The following CMTM3 variants were observed in gnomAD, a reference collection of about 807,000 sequenced individuals.
The protein encoded by CMTM3 is CKLF-like MARVEL transmembrane domain-containing protein 3.
In CMTM3, 7 loss-of-function variants were observed where a neutral mutation model predicts 18.2. The ratio of observed to expected loss-of-function variants is 0.38; its 90% CI spans 0.22 to 0.72. CMTM3 has a LOEUF of 0.72. Ranked by LOEUF, CMTM3 falls within the 30% of genes least tolerant of loss-of-function variation. The probability of loss-of-function intolerance (pLI) is 0.46; values close to 1 mark genes in which losing one functional copy is unlikely to be tolerated. For missense variants in CMTM3, 227 were observed against 249.2 expected (o/e 0.91, Z 0.60); for synonymous variants, 109 against 111.2 (o/e 0.98, Z 0.12).
In CMTM3 at chr16:66,609,888, T is replaced by C; in HGVS notation, c.405T>C (p.Phe135=). The C allele has an allele frequency of 1.4e-5, 23 of 1,614,198 alleles. No individual in the cohort carries two copies. The highest frequency in any genetic ancestry group is 1.9e-5 in the Non-Finnish European group (23 of 1,180,032). The part of the protein sequence containing the change: ...SDGASKAAGV[F]GFFATIVFAT... ...CCCATCCACCCTGTCCACAGGTGTT[T>C]GGCTTCTTTGCTACCATCGTGTTTG... The change falls in exon 4 of 5, where the codon TTT becomes TTC. Residue 135 remains phenylalanine (F), a synonymous_variant. Transcript: ENST00000567572. The surrounding 1 kb of genome is among the most constrained non-coding windows in gnomAD (Gnocchi z 4.4).
chr16:66,607,252 C>T (rs1008050817), intron 1 of CMTM3, among the ~76,000 whole-genome samples: 1 of 152,232 alleles, frequency 6.6e-6, no homozygotes, highest in Non-Finnish European at 1.5e-5. Context: ...TCAACATCCT[C>T]CTGCATCAGC....
chr16:66,611,270 C>T (rs992768609), intron 4 of CMTM3, among the ~76,000 whole-genome samples: 2 of 151,952 alleles, frequency 1.3e-5, no homozygotes, highest in East Asian at 1.9e-4. Context: ...CTGGCCAACA[C>T]GGTGAAACCC....
Position 66,612,710 on chromosome 16 carries a change from T to G in CMTM3, c.*73T>G, listed in dbSNP as rs531234274. The G allele has an allele frequency of 6.7e-7, 1 of 1,486,662 alleles. No individual in the cohort carries two copies. Among genetic ancestry groups the G allele is most frequent in the Non-Finnish European group, 9.4e-7 (1 of 1,069,212 alleles). The allele number at this position is 1,486,662 out of a possible 1,614,324, so 92.1% of individuals were successfully genotyped here. Reference sequence around the variant, plus strand: ...CTGCGCCTCACAGGGGTCGCTGGCGTTGGAGCGGAGGCCTGGACTTCTGAG... The same window carrying G: ...CTGCGCCTCACAGGGGTCGCTGGCGGTGGAGCGGAGGCCTGGACTTCTGAG... On this transcript the variant is annotated 3_prime_UTR_variant, in exon 5 of 5. Coordinates refer to ENST00000567572, the MANE Select transcript of CMTM3 (RefSeq NM_181553.4). The surrounding 1 kb of genome is among the most constrained non-coding windows in gnomAD (Gnocchi z 6.0).
chr16:66,610,025 C>T lies in CMTM3; in HGVS notation c.520+22C>T. On this transcript the variant is annotated intron_variant, in intron 4 of 4. Transcript: ENST00000567572. The surrounding 1 kb of genome is among the most constrained non-coding windows in gnomAD (Gnocchi z 4.6). ...GAAGGTAAGCGGCTGCCCTGATCAC[C>T]CCAGCAGTGCTGCAACAGGGGCCTG... 1.2e-6 allele frequency: 2 copies of T among 1,612,464 alleles called. No homozygotes were observed. The highest frequency in any genetic ancestry group is 1.1e-5 in the South Asian group (1 of 90,974).
At position 66,609,381 on chromosome 16, in the gene CMTM3, C is replaced by T; in HGVS notation, c.304-54C>T. Reference sequence around the variant, plus strand: ...CACGACCAGGCTGCCAGGCCTCCTCCCCATGCTGTGCTCAGCTCCAGGGGC... The same window carrying T: ...CACGACCAGGCTGCCAGGCCTCCTCTCCATGCTGTGCTCAGCTCCAGGGGC... On this transcript the variant is annotated intron_variant, in intron 2 of 4. Coordinates refer to ENST00000567572, the MANE Select transcript of CMTM3 (RefSeq NM_181553.4). This position sits in a 1 kb window ranked among gnomAD's most constrained non-coding sequence, Gnocchi z 4.4. 6.6e-7 allele frequency: 1 copy of T among 1,513,718 alleles called. No homozygotes were observed. Among genetic ancestry groups the T allele is most frequent in the Non-Finnish European group, 9.1e-7 (1 of 1,101,364 alleles). 93.8% of individuals were successfully genotyped at this position (1,513,718 alleles called of 1,614,324 possible).
intron 4 of CMTM3, chr16:66,611,065 G>A (rs1048627044): frequency 1.0e-5 from 4 of 396,012 alleles, no homozygotes; most frequent in Admixed American, 4.4e-5. Flanking sequence ...AAACTTGGGT[G>A]GTTTTATTTT....
upstream of CMTM3, chr16:66,604,699 G>C (rs2015058017): frequency 2.3e-6 from 2 of 886,490 alleles, no homozygotes; most frequent in Non-Finnish European, 2.9e-6. Flanking sequence ...GCCCCTGCGC[G>C]AGCCAGTGTC....
chr16:66,607,836 T>G (rs165206), intron 1 of CMTM3, among the ~76,000 whole-genome samples: 7,459 of 134,356 alleles, frequency 0.056, 278 homozygotes, highest in East Asian at 0.16. Flanking sequence ...CCATGCTGGG[T>G]TTTTTTTTTT....
At position 66,608,255 on chromosome 16, in the gene CMTM3, C is replaced by T; in HGVS notation, c.148-54C>T. 1 of 1,600,958 alleles carries T rather than the reference C, an allele frequency of 6.2e-7. No homozygotes were observed. Among genetic ancestry groups the T allele is most frequent in the Non-Finnish European group, 8.5e-7 (1 of 1,170,924 alleles). ...CCACAGGGCCTGGCTCAGAGGAGCA[C>T]TGGACAAGGAACATGAAAAGGCTCT... On this transcript the variant is annotated intron_variant, in intron 1 of 4. Transcript: ENST00000567572. This position sits in a 1 kb window ranked among gnomAD's most constrained non-coding sequence, Gnocchi z 5.1.
chr16:66,609,419 G>T lies in CMTM3; in HGVS notation c.304-16G>T. 6.2e-7 allele frequency: 1 copy of T among 1,607,972 alleles called. No individual in the cohort carries two copies. Among genetic ancestry groups the T allele is most frequent in the Non-Finnish European group, 8.5e-7 (1 of 1,176,604 alleles). On this transcript the variant is annotated splice_polypyrimidine_tract_variant and intron_variant, in intron 2 of 4. Coordinates refer to ENST00000567572, the MANE Select transcript of CMTM3 (RefSeq NM_181553.4). The surrounding 1 kb of genome is among the most constrained non-coding windows in gnomAD (Gnocchi z 4.4). ...CAGCTCCAGGGGCTCAGGGCAGCAT[G>T]CCCCTCTCTCCCCAGGACTTCCTGC...
At chr16:66,604,470 T>G, upstream of CMTM3, 2 of 207,344 alleles carry the variant, frequency 9.6e-6, no homozygotes, top group Non-Finnish European at 9.6e-6. Flanking sequence ...CCCTTCTGGA[T>G]AGGGGCAGAC....
chr16:66,608,639 C>A lies in CMTM3; in HGVS notation c.303+175C>A, dbSNP rs74413672. 0.039 allele frequency among the ~76,000 whole-genome samples: 5,952 copies of A among 152,286 alleles called. 367 individuals are homozygous for A. Among genetic ancestry groups the A allele is most frequent in the African/African-American group, 0.13 (5,582 of 41,534 alleles). ...CATCCCAGCTCCACTACTCAGCAGC[C>A]CTGTGACCTCAAGTGGGCTGTGGTG... On this transcript the variant is annotated intron_variant, in intron 2 of 4. Coordinates refer to ENST00000567572, the MANE Select transcript of CMTM3 (RefSeq NM_181553.4). The surrounding 1 kb of genome is among the most constrained non-coding windows in gnomAD (Gnocchi z 5.1).
In CMTM3 at chr16:66,610,946, A is replaced by G. The variant is rs2015354197; in HGVS notation, c.520+943A>G. ...CCCATCCCGTCCCTTGGCAAATATTAGGTTAGAGCTCCCAGGCGGTTTCCT... is the reference window on the plus strand; with the variant it reads ...CCCATCCCGTCCCTTGGCAAATATTGGGTTAGAGCTCCCAGGCGGTTTCCT... On this transcript the variant is annotated intron_variant, in intron 4 of 4. Coordinates refer to ENST00000567572, the MANE Select transcript of CMTM3 (RefSeq NM_181553.4). This position sits in a 1 kb window ranked among gnomAD's most constrained non-coding sequence, Gnocchi z 4.6. 2.5e-6 allele frequency: 1 copy of G among 398,432 alleles called. No homozygotes were observed. Among genetic ancestry groups the G allele is most frequent in the South Asian group, 1.3e-4 (1 of 7,852 alleles). 24.7% of individuals were successfully genotyped at this position (398,432 alleles called of 1,614,324 possible).
rs544559464 is a variant in CMTM3 at position 66,611,434 on chromosome 16, G to A, written c.521-1175G>A. Among the ~76,000 whole-genome samples the A allele has an allele frequency of 2.0e-5, 3 of 152,124 alleles. No homozygotes were observed. In the East Asian group the frequency reaches 5.8e-4, roughly 29 times the overall value. ...ATCGCACTCCAGCCTGGGCGACAGA[G>A]TGAGACTCCATCTCGGGGGGAAAAA... On this transcript the variant is annotated intron_variant, in intron 4 of 4. Coordinates refer to ENST00000567572, the MANE Select transcript of CMTM3 (RefSeq NM_181553.4).
chr16:66,609,469 A>G lies in CMTM3; in HGVS notation c.338A>G (p.Tyr113Cys). The G allele has an allele frequency of 6.2e-7, 1 of 1,612,858 alleles. No individual in the cohort carries two copies. The highest frequency in any genetic ancestry group is 8.5e-7 in the Non-Finnish European group (1 of 1,179,574). The change falls in exon 3 of 5, where the codon TAC (tyrosine) becomes TGC (cysteine). Residue 113 changes from tyrosine to cysteine, a missense_variant. Transcript: ENST00000567572. The surrounding 1 kb of genome is among the most constrained non-coding windows in gnomAD (Gnocchi z 4.4). ...FLRCVTAALI[Y>C]FAISITAIAK... ...CGCTGTGTCACCGCGGCCCTCATCT[A>G]CTTTGCTATCTCCATCACGGCCATC...
Position 66,612,626 on chromosome 16 carries a change from G to A in CMTM3, c.538G>A (p.Asp180Asn). 1 of 1,614,096 alleles carries A rather than the reference G, an allele frequency of 6.2e-7. No homozygotes were observed. Among genetic ancestry groups the A allele is most frequent in the Non-Finnish European group, 8.5e-7 (1 of 1,179,996 alleles). The change falls in exon 5 of 5, where the codon GAC becomes AAC. Residue 180 changes from aspartate to asparagine, a missense_variant. Transcript: ENST00000567572. The surrounding 1 kb of genome is among the most constrained non-coding windows in gnomAD (Gnocchi z 6.0). ...HKTEEENSDS[D>N]SD ...CCTTTCAGAAGAGAATTCCGACTCG[G>A]ACTCTGACTGAAGGCCTGGCGGGTG...
intron 1 of CMTM3, 42 bp downstream of exon 1, chr16:66,604,994 C>A: frequency 7.1e-6 from 10 of 1,414,602 alleles, no homozygotes; most frequent in Non-Finnish European, 9.2e-6. Flanking sequence ...TAGGACTGCG[C>A]GGCTCCTTTC....
Position 66,612,490 on chromosome 16 carries a change from G to C in CMTM3, c.521-119G>C. On this transcript the variant is annotated intron_variant, in intron 4 of 4. Transcript: ENST00000567572. This position sits in a 1 kb window ranked among gnomAD's most constrained non-coding sequence, Gnocchi z 6.0. ...GCGATCACTGGGAACGGTAGAGTCA[G>C]CTGCAGGAGGCCTGCACCCAGGCTC... 1.0e-6 allele frequency: 1 copy of C among 995,546 alleles called. No individual in the cohort carries two copies. The highest frequency in any genetic ancestry group is 1.5e-6 in the Non-Finnish European group (1 of 654,204). 61.7% of individuals were successfully genotyped at this position (995,546 alleles called of 1,614,324 possible). A position where few individuals can be genotyped will look rare whatever the true frequency, so the allele number is the denominator to read the frequency against.
chr16:66,612,216 A>G lies in CMTM3; in HGVS notation c.521-393A>G, dbSNP rs183388369. 6.6e-6 allele frequency among the ~76,000 whole-genome samples: 1 copy of G among 152,204 alleles called. No individual in the cohort carries two copies. The highest frequency in any genetic ancestry group is 1.5e-5 in the Non-Finnish European group (1 of 67,994). On this transcript the variant is annotated intron_variant, in intron 4 of 4. Transcript: ENST00000567572. The surrounding 1 kb of genome is among the most constrained non-coding windows in gnomAD (Gnocchi z 6.0). Reference sequence around the variant, plus strand: ...GATCACCTGAGGTCAGGAGTTCAAGACCAGCCTGGTGAAAGCCCATCTCTA... The same window carrying G: ...GATCACCTGAGGTCAGGAGTTCAAGGCCAGCCTGGTGAAAGCCCATCTCTA...
Sources: gnomAD v4.1 joint callset for allele counts (sites outside exome capture counted in the v4.1 genomes callset) on GRCh38, gnomAD v4.1.1 for gene constraint, Gnocchi (gnomAD v3.1) non-coding constraint, MANE v1.5 for transcripts, NCBI Gene and HGNC (gene_info 2026-07-23, HGNC 2026-07-21) for gene names.